HEATR4: variants seen among roughly 807,000 people sequenced by gnomAD.
HEATR4 encodes the protein HEAT repeat-containing protein 4.
A neutral mutation model predicts 108.8 loss-of-function variants in HEATR4; 95 were observed. That is an observed-to-expected ratio of 0.87 (90% CI 0.74 to 1.04). The LOEUF is 1.04. Ranked by LOEUF, HEATR4 falls within the 50% of genes least tolerant of loss-of-function variation. The pLI, the probability that HEATR4 is intolerant of heterozygous loss-of-function variation, is 0.00. For missense variants in HEATR4, 1,152 were observed against 1,253.8 expected, an observed-to-expected ratio of 0.92 and a Z score of 1.23; for synonymous variants, 443 against 459.4, an observed-to-expected ratio of 0.96 and a Z score of 0.46.
chr14:73,600,210 G>A, the HEATR4 span, among the ~76,000 whole-genome samples: 1 of 152,074 alleles, frequency 6.6e-6, no homozygotes, highest in Admixed American at 6.6e-5. Flanking sequence ...AAACACACCG[G>A]AGAACACGCT....
At chr14:73,595,631 A>C in the HEATR4 span, 1 of 1,526,044 alleles carries the variant, frequency 6.6e-7, no homozygotes, top group Non-Finnish European at 8.8e-7. Context: ...AGGTACCCAG[A>C]AAACAGCTGT....
the HEATR4 span, among the ~76,000 whole-genome samples, chr14:73,573,942 G>C: frequency 3.9e-5 from 6 of 151,952 alleles, no homozygotes; most frequent in Non-Finnish European, 8.8e-5. Flanking sequence ...GGTCAGGCTG[G>C]TCTTGAACTC....
chr14:73,537,968 C>T lies in HEATR4; in HGVS notation c.-151-7724G>A, dbSNP rs1051673648. 2.0e-6 allele frequency: 2 copies of T among 1,017,902 alleles called. 1 individual carries two copies. The highest frequency in any genetic ancestry group is 2.5e-6 in the Non-Finnish European group (2 of 796,484). 63.1% of individuals were successfully genotyped at this position (1,017,902 alleles called of 1,614,324 possible). A position where few individuals can be genotyped will look rare whatever the true frequency, so the allele number is the denominator to read the frequency against. On this transcript the variant is annotated intron_variant, in intron 1 of 17. Transcript: ENST00000553558. ...GTGTGTGTGTCCCCTTCGCCCCGCC[C>T]CGCTCTTTTCGCTTGTGTGTGTGTC...
chr14:73,599,863 A>G, the HEATR4 span, among the ~76,000 whole-genome samples: 1 of 152,150 alleles, frequency 6.6e-6, no homozygotes, highest in African/African-American at 2.4e-5. Context: ...CTGGCCATAC[A>G]TTCCTCCACA....
chr14:73,619,923 T>C, the HEATR4 span: 5 of 1,402,540 alleles, frequency 3.6e-6, no homozygotes, highest in East Asian at 2.4e-5. Context: ...TTTTCTCTTT[T>C]TTTTTTTTTT....
chr14:73,503,096 T>G, intron 10 of HEATR4, 83 bp from the exon 11 acceptor site: 1 of 1,091,144 alleles, frequency 9.2e-7, no homozygotes, highest in South Asian at 1.3e-5. Context: ...TTTCTTCTTT[T>G]TTTACTCATC....
At chr14:73,548,238 G>A (rs143276016) in intron 1 of HEATR4, among the ~76,000 whole-genome samples, 1,518 of 116,156 alleles carry the variant, frequency 0.013, 475 homozygotes, top group Admixed American at 0.027. Context: ...ATAAGAGTGA[G>A]GTGTGATAAA....
At chr14:73,597,097 T>TA in the HEATR4 span, among the ~76,000 whole-genome samples, 7 of 146,058 alleles carry the variant, frequency 4.8e-5, no homozygotes, top group East Asian at 6.2e-4. Flanking sequence ...TTTATTTATT[T>TA]TTTTGAGATA....
the HEATR4 span, chr14:73,568,984 T>G: frequency 1.9e-6 from 1 of 522,404 alleles, no homozygotes; most frequent in Non-Finnish European, 3.4e-6. Flanking sequence ...GTTTGGAGCC[T>G]GGAGACTGCT....
At position 73,537,079 on chromosome 14, in the gene HEATR4, G is replaced by A. The variant is rs1361515799; in HGVS notation, c.-151-6835C>T. The A allele has an allele frequency of 1.5e-5, 3 of 205,150 alleles. 1 individual carries two copies. Among genetic ancestry groups the A allele is most frequent in the African/African-American group, 5.3e-5 (2 of 37,590 alleles). The allele number at this position is 205,150 out of a possible 1,614,324, so 12.7% of individuals were successfully genotyped here. A position where few individuals can be genotyped will look rare whatever the true frequency, so the allele number is the denominator to read the frequency against. On this transcript the variant is annotated intron_variant, in intron 1 of 17. Coordinates refer to ENST00000553558, the MANE Select transcript of HEATR4 (RefSeq NM_001220484.1). ...GCCAACTGCAAGCTCCACCCCCCGGGATCACGCCATTCTCCTGCCTCAGCC... is the reference window on the plus strand; with the variant it reads ...GCCAACTGCAAGCTCCACCCCCCGGAATCACGCCATTCTCCTGCCTCAGCC...
chr14:73,518,361 G>A (rs972752744), intron 5 of HEATR4, among the ~76,000 whole-genome samples: 6 of 150,352 alleles, frequency 4.0e-5, no homozygotes, highest in Admixed American at 6.6e-5. Context: ...CAGAGATCAC[G>A]CCACTGCACT....
chr14:73,481,647 C>T (rs1398575820), intron 17 of HEATR4, among the ~76,000 whole-genome samples: 1 of 151,664 alleles, frequency 6.6e-6, no homozygotes, highest in African/African-American at 2.4e-5. Context: ...CGAGACCATC[C>T]TGGCTAACAA....
chr14:73,572,909 G>A, the HEATR4 span, among the ~76,000 whole-genome samples: 1 of 150,886 alleles, frequency 6.6e-6, no homozygotes, highest in Non-Finnish European at 1.5e-5. Flanking sequence ...GCCTCCCAAA[G>A]TGCTGGGGTT....
Position 73,522,496 on chromosome 14 carries a change from C to T in HEATR4, c.657G>A (p.Gln219=), listed in dbSNP as rs757162335. Residue 219 remains glutamine (Q), a synonymous_variant, in exon 3 of 18, where the codon CAG becomes CAA. Transcript: ENST00000553558. ...KLNERTARWI[Q]SKRPRRPGAS... is the part of the protein sequence containing the mutation. The stretch of plus-strand genomic sequence containing the variant: ...CCCCAGGCCTTCGAGGACGCTTGCT[C>T]TGGATCCATCGGGCTGTGCGCTCGT... 30 of 1,614,100 alleles carry T rather than the reference C, an allele frequency of 1.9e-5. 1 individual carries two copies. In the South Asian group the frequency reaches 3.2e-4, roughly 17 times the overall value.
chr14:73,525,261 T>C (rs1216110016), intron 2 of HEATR4, among the ~76,000 whole-genome samples: 1 of 152,152 alleles, frequency 6.6e-6, no homozygotes, highest in African/African-American at 2.4e-5. Context: ...CTCAAACTCC[T>C]GGGGTCAACA....
At chr14:73,576,126 G>GCTA in the HEATR4 span, among the ~76,000 whole-genome samples, 4 of 151,850 alleles carry the variant, frequency 2.6e-5, no homozygotes, top group African/African-American at 9.7e-5. Context: ...AAAAGATTGT[G>GCTA]CTACTACCCT....
chr14:73,512,126 C>A lies in HEATR4; in HGVS notation c.1438G>T (p.Val480Leu). 6.2e-7 allele frequency: 1 copy of A among 1,614,188 alleles called. No homozygotes were observed. Among genetic ancestry groups the A allele is most frequent in the Non-Finnish European group, 8.5e-7 (1 of 1,180,036 alleles). ...ALIIEWHHET[V>L]ENLLQSLGDL... ...CCCAAGCTCTGAAGCAGGTTCTCTA[C>A]TGTCTCATGGTGCCACTCTATGACT... is the stretch of plus-strand genomic sequence containing the variant. Residue 480 changes from valine (V) to leucine (L), a missense_variant, in exon 7 of 18, where the codon GTA becomes TTA. Val to Leu is a conservative substitution (Grantham distance 32, BLOSUM62 1). Transcript: ENST00000553558.
chr14:73,629,821 A>AT, the HEATR4 span, among the ~76,000 whole-genome samples: 9 of 151,206 alleles, frequency 6.0e-5, no homozygotes, highest in East Asian at 1.9e-4. Flanking sequence ...ATTTTTTTGT[A>AT]TTTTTTTAGT....
At chr14:73,590,443 G>T in the HEATR4 span, among the ~76,000 whole-genome samples, 33 of 152,394 alleles carry the variant, frequency 2.2e-4, no homozygotes, top group African/African-American at 7.9e-4. Flanking sequence ...GGGGTTCGCA[G>T]GTGGAGCTGC....
Sources: gnomAD v4.1 joint callset for allele counts (sites outside exome capture counted in the v4.1 genomes callset) on GRCh38, gnomAD v4.1.1 for gene constraint, MANE v1.5 for transcripts, NCBI Gene and HGNC (gene_info 2026-07-23, HGNC 2026-07-21) for gene names.